The following GPC6 variants were observed in gnomAD, a reference collection of about 807,000 sequenced individuals.
GPC6 encodes the protein glypican 6.
GPC6 carries 14 observed loss-of-function variants against 55.2 expected under a neutral mutation model. The observed-to-expected ratio is 0.25, with a 90% CI of 0.17 to 0.40. The LOEUF (loss-of-function observed/expected upper bound fraction) is 0.40, where lower values mean the gene tolerates loss of function less well. Among genes scored for constraint, GPC6 ranks in the 10% least tolerant of loss-of-function variants. The pLI, the probability that GPC6 is intolerant of heterozygous loss-of-function variation, is 1.00. For missense variants in GPC6, 641 were observed against 708.5 expected, an observed-to-expected ratio of 0.90 and a Z score of 1.08; for synonymous variants, 278 against 259.6, an observed-to-expected ratio of 1.07 and a Z score of -0.68.
intron 3 of GPC6, 128 bp downstream of exon 3, chr13:93,830,673 C>G (rs1887456276): frequency 1.3e-6 from 1 of 780,006 alleles, no homozygotes; most frequent in South Asian, 1.7e-5. Context: ...GGTCCTTGCT[C>G]TTAATCAGTT....
chr13:93,910,701 T>A (rs1876923790), intron 3 of GPC6, among the ~76,000 whole-genome samples: 1 of 152,148 alleles, frequency 6.6e-6, no homozygotes, highest in South Asian at 2.1e-4. Flanking sequence ...GTATGAAGCA[T>A]CAGGAAAGGG....
At chr13:93,519,724 G>A (rs181182378) in intron 1 of GPC6, among the ~76,000 whole-genome samples, 1 of 151,998 alleles carries the variant, frequency 6.6e-6, no homozygotes, top group East Asian at 1.9e-4. Flanking sequence ...ATTCAATAGA[G>A]CCTAAATAGA....
At chr13:93,785,891 G>A (rs1186758657) in intron 2 of GPC6, among the ~76,000 whole-genome samples, 1 of 152,106 alleles carries the variant, frequency 6.6e-6, no homozygotes, top group East Asian at 1.9e-4. Flanking sequence ...GAGCCCAGGA[G>A]GTCAAGGCTG....
intron 3 of GPC6, among the ~76,000 whole-genome samples, chr13:93,987,868 G>A (rs1881104009): frequency 6.6e-6 from 1 of 152,130 alleles, no homozygotes; most frequent in South Asian, 2.1e-4. Flanking sequence ...GATCTCCAGG[G>A]TAGAATGTTT....
At chr13:94,096,770 T>G (rs1454319017) in intron 4 of GPC6, among the ~76,000 whole-genome samples, 1 of 152,226 alleles carries the variant, frequency 6.6e-6, no homozygotes, top group Non-Finnish European at 1.5e-5. Context: ...TGTCTCTAGT[T>G]ACAAGCAAAC....
In GPC6 at chr13:93,597,006, G is replaced by C. The variant is rs866176114; in HGVS notation, c.319+51585G>C. ...GAACTTATATTTTAGTTCAAATCTG[G>C]CAAAAAAAAAAAAAAAAAAAAAAAG... On this transcript the variant is annotated intron_variant, in intron 2 of 8. Transcript: ENST00000377047. Among the ~76,000 whole-genome samples the C allele has an allele frequency of 5.3e-3, 376 of 70,510 alleles. 1 individual carries two copies. Among genetic ancestry groups the C allele is most frequent in the African/African-American group, 0.03 (346 of 11,658 alleles). 46.3% of individuals were successfully genotyped at this position (70,510 alleles called of 152,430 possible).
chr13:93,617,590 T>C (rs546021697), intron 2 of GPC6, among the ~76,000 whole-genome samples: 1 of 152,208 alleles, frequency 6.6e-6, no homozygotes, highest in African/African-American at 2.4e-5. Flanking sequence ...AATTTGAAAA[T>C]CACTGGGTTT....
At chr13:93,450,434 G>T (rs2139300641) in intron 1 of GPC6, among the ~76,000 whole-genome samples, 1 of 152,306 alleles carries the variant, frequency 6.6e-6, no homozygotes, top group African/African-American at 2.4e-5. Context: ...TGAGCCATAA[G>T]TGCTCATTCT....
At chr13:94,354,539 A>G (rs2139172650) in intron 6 of GPC6, among the ~76,000 whole-genome samples, 1 of 152,334 alleles carries the variant, frequency 6.6e-6, no homozygotes, top group East Asian at 1.9e-4. Flanking sequence ...ACACTTTCCA[A>G]TGCTATGTGT....
At chr13:94,094,170 A>G (rs747329436) in intron 4 of GPC6, among the ~76,000 whole-genome samples, 1 of 150,736 alleles carries the variant, frequency 6.6e-6, no homozygotes, top group East Asian at 1.9e-4. Flanking sequence ...TATTATGTCT[A>G]AAAAAAAATG....
At chr13:93,370,238 C>G (rs182256787) in intron 1 of GPC6, among the ~76,000 whole-genome samples, 145 of 152,174 alleles carry the variant, frequency 9.5e-4, no homozygotes, top group African/African-American at 3.3e-3. Flanking sequence ...GGTTTTTGAA[C>G]TATCTGGAAA....
intron 1 of GPC6, among the ~76,000 whole-genome samples, chr13:93,263,405 C>A (rs1224169920): frequency 6.6e-6 from 1 of 151,968 alleles, no homozygotes; most frequent in Non-Finnish European, 1.5e-5. Flanking sequence ...GCTCTTGTCA[C>A]CCAGGCTAGA....
chr13:93,951,004 G>T (rs995652629), intron 3 of GPC6, among the ~76,000 whole-genome samples: 1 of 151,876 alleles, frequency 6.6e-6, no homozygotes, highest in Admixed American at 6.6e-5. Context: ...GGATGAATTT[G>T]GAAAGGTCAT....
At chr13:94,228,241 AG>A (rs1890616852) in intron 4 of GPC6, among the ~76,000 whole-genome samples, 2 of 152,136 alleles carry the variant, frequency 1.3e-5, no homozygotes, top group Non-Finnish European at 2.9e-5. Context: ...GAGAGAATGC[AG>A]CATTCTCGGT....
At chr13:93,720,760 G>T (rs1028811797) in intron 2 of GPC6, among the ~76,000 whole-genome samples, 3 of 151,898 alleles carry the variant, frequency 2.0e-5, no homozygotes, top group Non-Finnish European at 4.4e-5. Context: ...ATTCTGGTAC[G>T]TTGTGTCTTT....
Position 93,348,602 on chromosome 13 carries a change from C to A in GPC6, c.160+120986C>A, listed in dbSNP as rs529869130. On this transcript the variant is annotated intron_variant, in intron 1 of 8. Transcript: ENST00000377047. ...TTTGGTCAAGCATTTTACTCTGTGG[C>A]ACCCAGAAACAATTTCAGAAACAAA... Among the ~76,000 whole-genome samples, 3 of 152,248 alleles carry A rather than the reference C, an allele frequency of 2.0e-5. 1 individual carries two copies. In the South Asian group the frequency reaches 6.2e-4, roughly 32 times the overall value.
intron 3 of GPC6, among the ~76,000 whole-genome samples, chr13:93,892,368 A>G (rs901746801): frequency 6.6e-6 from 1 of 152,118 alleles, no homozygotes; most frequent in Admixed American, 6.6e-5. Flanking sequence ...GTTCTTACAT[A>G]CCCTTTTATG....
intron 2 of GPC6, among the ~76,000 whole-genome samples, chr13:93,771,853 T>G (rs894991316): frequency 6.6e-6 from 1 of 152,182 alleles, no homozygotes; most frequent in Non-Finnish European, 1.5e-5. Context: ...CCTATAAATT[T>G]TAAGCCTGTG....
At chr13:94,305,246 T>G (rs937834444) in intron 5 of GPC6, among the ~76,000 whole-genome samples, 56 of 152,336 alleles carry the variant, frequency 3.7e-4, no homozygotes, top group Admixed American at 9.8e-4. Flanking sequence ...GTTAGGCTCC[T>G]GCAAGCCACT....
Sources: allele counts gnomAD v4.1 joint callset (sites outside exome capture counted in the v4.1 genomes callset), GRCh38; gene constraint gnomAD v4.1.1; transcripts MANE v1.5; gene names NCBI Gene and HGNC (gene_info 2026-07-23, HGNC 2026-07-21).